The following PTPRK variants were observed in gnomAD, a reference collection of about 807,000 sequenced individuals.
PTPRK encodes protein tyrosine phosphatase receptor type K.
A neutral mutation model predicts 178.0 loss-of-function variants in PTPRK; 75 were observed. The observed-to-expected ratio is 0.42, with a 90% CI of 0.35 to 0.51. The LOEUF (loss-of-function observed/expected upper bound fraction) is 0.51. Among genes scored for constraint, PTPRK ranks in the 20% least tolerant of loss-of-function variants. The pLI, the probability that PTPRK is intolerant of heterozygous loss-of-function variation, is 0.02. For synonymous variants in PTPRK, 637 were observed against 620.6 expected (o/e 1.03, Z -0.39); for missense variants, 1,441 against 1,797.8 (o/e 0.80, Z 3.59).
intron 2 of PTPRK, among the ~76,000 whole-genome samples, chr6:128,341,485 T>C (rs1443340913): frequency 6.6e-6 from 1 of 152,182 alleles, no homozygotes; most frequent in African/African-American, 2.4e-5. Flanking sequence ...GGAATAAAAT[T>C]ATGTGTACAC....
chr6:128,301,645 G>C (rs1287468568), intron 3 of PTPRK, among the ~76,000 whole-genome samples: 2 of 152,056 alleles, frequency 1.3e-5, no homozygotes, highest in Non-Finnish European at 2.9e-5. Flanking sequence ...TATAAAAAGA[G>C]TCTTTTTGCC....
At chr6:128,274,351 C>T (rs1290049416) in intron 3 of PTPRK, among the ~76,000 whole-genome samples, 1 of 152,064 alleles carries the variant, frequency 6.6e-6, no homozygotes, top group Non-Finnish European at 1.5e-5. Flanking sequence ...CTTAAAAACC[C>T]TCACATTCTC....
At chr6:128,108,041 A>G (rs1484408144) in intron 7 of PTPRK, among the ~76,000 whole-genome samples, 50 of 151,386 alleles carry the variant, frequency 3.3e-4, no homozygotes, top group Admixed American at 3.3e-3. Context: ...AGGCCATGCC[A>G]AAAACAAACC....
intron 2 of PTPRK, among the ~76,000 whole-genome samples, chr6:128,382,674 A>T (rs1219054574): frequency 6.6e-6 from 1 of 152,068 alleles, no homozygotes; most frequent in Non-Finnish European, 1.5e-5. Context: ...TCCTAGCCTC[A>T]AGTGATCCTC....
rs188491952 is a variant in PTPRK, at chr6:128,256,657, C to T, written c.496-14055G>A. Among the ~76,000 whole-genome samples the T allele has an allele frequency of 2.5e-3, 383 of 151,694 alleles. 1 individual carries two copies. The highest frequency in any genetic ancestry group is 8.8e-3 in the African/African-American group (363 of 41,380). ...TTCACCGTGTTGGTCAGGATGGTCT[C>T]GATCTCCTGACCTCGTGATCCGCCC... On this transcript the variant is annotated intron_variant, in intron 3 of 29. Transcript: ENST00000368226.
intron 13 of PTPRK, among the ~76,000 whole-genome samples, chr6:128,059,976 C>G (rs1204673755): frequency 6.6e-6 from 1 of 152,042 alleles, no homozygotes; most frequent in Non-Finnish European, 1.5e-5. Context: ...CTTGAAGGTC[C>G]TCAACTCATA....
chr6:128,199,216 A>C (rs1052633490), intron 6 of PTPRK, among the ~76,000 whole-genome samples: 1 of 152,140 alleles, frequency 6.6e-6, no homozygotes, highest in African/African-American at 2.4e-5. Context: ...AAAAGAACCA[A>C]ATGTCTATCA....
chr6:128,371,312 T>C (rs1018751670), intron 2 of PTPRK, among the ~76,000 whole-genome samples: 1 of 152,136 alleles, frequency 6.6e-6, no homozygotes, highest in Non-Finnish European at 1.5e-5. Flanking sequence ...ATCAATCAAA[T>C]GAAACAACAC....
chr6:128,174,668 G>A (rs1800801318), intron 7 of PTPRK, among the ~76,000 whole-genome samples: 1 of 151,780 alleles, frequency 6.6e-6, no homozygotes, highest in South Asian at 2.1e-4. Flanking sequence ...AATTGGGCAG[G>A]TTCAGTTATT....
intron 25 of PTPRK, among the ~76,000 whole-genome samples, chr6:127,978,558 T>C (rs1774880844): frequency 1.3e-5 from 2 of 152,276 alleles, no homozygotes; most frequent in South Asian, 4.1e-4. Context: ...CAGTCTCAGG[T>C]ATGTTTTTAT....
intron 5 of PTPRK, among the ~76,000 whole-genome samples, chr6:128,229,317 G>T (rs941367482): frequency 3.3e-5 from 5 of 152,164 alleles, no homozygotes; most frequent in Non-Finnish European, 5.9e-5. Context: ...TGACAACCAA[G>T]AATATCGGTG....
At chr6:128,454,342 T>C (rs1347700739) in intron 1 of PTPRK, among the ~76,000 whole-genome samples, 1 of 152,208 alleles carries the variant, frequency 6.6e-6, no homozygotes, top group Admixed American at 6.6e-5. Flanking sequence ...AAGCAAACTT[T>C]GATGATAATT....
At chr6:128,227,973 T>C (rs1466148819) in intron 5 of PTPRK, among the ~76,000 whole-genome samples, 1 of 151,668 alleles carries the variant, frequency 6.6e-6, no homozygotes, top group Non-Finnish European at 1.5e-5. Context: ...TGTCAGGGGA[T>C]AGGGGGCTAG....
At chr6:128,045,648 C>T (rs933499633) in intron 13 of PTPRK, among the ~76,000 whole-genome samples, 1 of 151,982 alleles carries the variant, frequency 6.6e-6, no homozygotes, top group African/African-American at 2.4e-5. Context: ...GATACATCTT[C>T]AGGGCATTGA....
intron 7 of PTPRK, among the ~76,000 whole-genome samples, chr6:128,172,412 C>G (rs1386923645): frequency 6.6e-6 from 1 of 151,798 alleles, no homozygotes; most frequent in Non-Finnish European, 1.5e-5. Context: ...TTTATCTCCC[C>G]TGTGCTACTG....
At chr6:128,272,786 T>C (rs1179332526) in intron 3 of PTPRK, among the ~76,000 whole-genome samples, 2 of 152,182 alleles carry the variant, frequency 1.3e-5, no homozygotes, top group Non-Finnish European at 2.9e-5. Context: ...TCAACCATTG[T>C]GGAAGACAGT....
chr6:128,238,131 G>A (rs955504720), intron 5 of PTPRK: 1 of 438,822 alleles, frequency 2.3e-6, no homozygotes, highest in Admixed American at 2.5e-5. Flanking sequence ...ATGAGGCAAT[G>A]TCCATGTCAA....
chr6:128,047,774 A>G (rs545208133), intron 13 of PTPRK, among the ~76,000 whole-genome samples: 17 of 152,196 alleles, frequency 1.1e-4, no homozygotes, highest in Non-Finnish European at 1.8e-4. Context: ...TAAAAACTTA[A>G]TATCAGTTCA....
In PTPRK at chr6:127,982,816, A is replaced by T; in HGVS notation, c.3537+15T>A. On this transcript the variant is annotated intron_variant, in intron 24 of 29. Transcript: ENST00000368226. ...TGTAGTAAGTCACAAAAGAGGTTTT[A>T]GAAATAGTTAATACCTGAAATTCAT... The T allele has an allele frequency of 3.1e-6, 5 of 1,594,892 alleles. No homozygotes were observed. Among genetic ancestry groups the T allele is most frequent in the Non-Finnish European group, 4.3e-6 (5 of 1,169,102 alleles).
Sources: gnomAD v4.1 joint callset for allele counts (sites outside exome capture counted in the v4.1 genomes callset) on GRCh38, gnomAD v4.1.1 for gene constraint, MANE v1.5 for transcripts, NCBI Gene and HGNC (gene_info 2026-07-23, HGNC 2026-07-21) for gene names.